LSAMP: variants seen among roughly 807,000 people sequenced by gnomAD.
LSAMP encodes the protein limbic system-associated membrane protein.
LSAMP carries 7 observed loss-of-function variants against 38.6 expected under a neutral mutation model. The ratio of observed to expected loss-of-function variants is 0.18; its 90% CI spans 0.10 to 0.34. The LOEUF (loss-of-function observed/expected upper bound fraction) is 0.34. LSAMP is among the 10% of genes least tolerant of loss of function. LSAMP has a pLI of 1.00. For synonymous variants in LSAMP, 154 were observed against 166.8 expected (o/e 0.92, Z 0.59); for missense variants, 313 against 420.0 (o/e 0.75, Z 2.23).
At chr3:115,991,681 C>T (rs186897106) in intron 3 of LSAMP, among the ~76,000 whole-genome samples, 305 of 152,086 alleles carry the variant, frequency 2.0e-3, no homozygotes, top group South Asian at 7.1e-3. Flanking sequence ...AAAGAAAATG[C>T]GGCTTGTAGC....
intron 6 of LSAMP, among the ~76,000 whole-genome samples, chr3:115,813,717 A>G (rs1363731072): frequency 6.6e-6 from 1 of 152,190 alleles, no homozygotes; most frequent in Non-Finnish European, 1.5e-5. Context: ...AATTATAGAT[A>G]TATGTGACTG....
intron 1 of LSAMP, among the ~76,000 whole-genome samples, chr3:116,419,887 A>T (rs762708224): frequency 6.6e-6 from 1 of 152,194 alleles, no homozygotes; most frequent in Non-Finnish European, 1.5e-5. Flanking sequence ...TATATTTATC[A>T]TAATACCTTT....
chr3:115,875,432 G>T (rs563350738), intron 3 of LSAMP, among the ~76,000 whole-genome samples: 38 of 152,082 alleles, frequency 2.5e-4, no homozygotes, highest in African/African-American at 8.9e-4. Context: ...CACTGTAGCC[G>T]TCTCTCTATA....
At position 116,261,828 on chromosome 3, in the gene LSAMP, T is replaced by A. The variant is rs543274567; in HGVS notation, c.156-175272A>T. ...TGTGTATGTGTGTGTATTATTGATA[T>A]GTTATGCACATATATGTTATTATAA... On this transcript the variant is annotated intron_variant, in intron 1 of 6. Coordinates refer to ENST00000490035, the MANE Select transcript of LSAMP (RefSeq NM_002338.5). Among the ~76,000 whole-genome samples the A allele has an allele frequency of 2.7e-5, 4 of 150,468 alleles. No homozygotes were observed. In the East Asian group the frequency reaches 5.8e-4, roughly 22 times the overall value.
intron 2 of LSAMP, among the ~76,000 whole-genome samples, chr3:116,043,265 C>A (rs926305476): frequency 6.6e-6 from 1 of 152,038 alleles, no homozygotes; most frequent in South Asian, 2.1e-4. Flanking sequence ...AAAAACTTTC[C>A]GATTTAGGTG....
chr3:116,228,794 A>C (rs1265930615), intron 1 of LSAMP, among the ~76,000 whole-genome samples: 1 of 152,090 alleles, frequency 6.6e-6, no homozygotes, highest in Non-Finnish European at 1.5e-5. Flanking sequence ...TCAAAGGGAG[A>C]TTAGCATTAA....
intron 1 of LSAMP, among the ~76,000 whole-genome samples, chr3:116,333,991 CTT>C (rs1408172980): frequency 1.3e-5 from 2 of 151,630 alleles, no homozygotes; most frequent in East Asian, 3.9e-4. Flanking sequence ...AATGACAAAT[CTT>C]TACCTATATA....
intron 3 of LSAMP, among the ~76,000 whole-genome samples, chr3:115,888,290 G>A (rs1936507924): frequency 6.6e-6 from 1 of 151,806 alleles, no homozygotes; most frequent in Non-Finnish European, 1.5e-5. Context: ...TAACATAACT[G>A]TAGAAAAACA....
At chr3:116,082,688 A>C (rs893867112) in intron 2 of LSAMP, among the ~76,000 whole-genome samples, 1 of 152,228 alleles carries the variant, frequency 6.6e-6, no homozygotes, top group Non-Finnish European at 1.5e-5. Context: ...TATATACACC[A>C]TGAAATATTA....
At chr3:116,439,758 C>G (rs2049408110) in intron 1 of LSAMP, among the ~76,000 whole-genome samples, 1 of 152,232 alleles carries the variant, frequency 6.6e-6, no homozygotes, top group Non-Finnish European at 1.5e-5. Flanking sequence ...GAGTCTCGCT[C>G]TGTCGCCAGG....
At chr3:116,223,817 C>G (rs1339608821) in intron 1 of LSAMP, among the ~76,000 whole-genome samples, 1 of 152,144 alleles carries the variant, frequency 6.6e-6, no homozygotes, top group Non-Finnish European at 1.5e-5. Flanking sequence ...TCCAGTCCCA[C>G]AATGCTGCTG....
intron 1 of LSAMP, among the ~76,000 whole-genome samples, chr3:116,118,225 A>G (rs768165162): frequency 6.6e-6 from 1 of 152,194 alleles, no homozygotes; most frequent in Non-Finnish European, 1.5e-5. Flanking sequence ...AGGGGACAGT[A>G]TCTATGGATT....
At chr3:116,253,497 G>A (rs941720063) in intron 1 of LSAMP, among the ~76,000 whole-genome samples, 6 of 152,122 alleles carry the variant, frequency 3.9e-5, no homozygotes, top group African/African-American at 1.2e-4. Flanking sequence ...TTTGCAGATG[G>A]TAATTCACAG....
intron 1 of LSAMP, among the ~76,000 whole-genome samples, chr3:116,210,347 C>T (rs1256420105): frequency 6.6e-6 from 1 of 152,182 alleles, no homozygotes; most frequent in Non-Finnish European, 1.5e-5. Context: ...ATCTAATCAA[C>T]TGCCAGTGCG....
intron 3 of LSAMP, among the ~76,000 whole-genome samples, chr3:115,999,509 T>C (rs1939926166): frequency 6.6e-6 from 1 of 152,198 alleles, no homozygotes; most frequent in African/African-American, 2.4e-5. Context: ...TTAAAGAGCC[T>C]GGTTTGAAGG....
intron 2 of LSAMP, among the ~76,000 whole-genome samples, chr3:116,049,838 G>A (rs1330393266): frequency 6.6e-6 from 1 of 152,132 alleles, no homozygotes; most frequent in East Asian, 1.9e-4. Context: ...GCAAGATTGA[G>A]TTAGACACTA....
intron 1 of LSAMP, among the ~76,000 whole-genome samples, chr3:116,439,673 G>A (rs1321684915): frequency 2.0e-5 from 3 of 152,212 alleles, no homozygotes; most frequent in African/African-American, 7.2e-5. Flanking sequence ...TCCTGTGAAC[G>A]TCTTAAAACA....
intron 6 of LSAMP, chr3:115,834,470 G>T: frequency 1.0e-6 from 1 of 961,604 alleles, no homozygotes; most frequent in Non-Finnish European, 1.4e-6. Flanking sequence ...TGAATTTTTT[G>T]AATGTGTTTT....
intron 3 of LSAMP, among the ~76,000 whole-genome samples, chr3:115,947,473 T>G (rs6438289): frequency 0.95 from 144,557 of 152,054 alleles, 69,111 homozygotes; most frequent in East Asian, 1. Context: ...AATAAAAAGG[T>G]GAAACCTATT....
Sources: gnomAD v4.1 joint callset for allele counts (sites outside exome capture counted in the v4.1 genomes callset) on GRCh38, gnomAD v4.1.1 for gene constraint, MANE v1.5 for transcripts, NCBI Gene and HGNC (gene_info 2026-07-23, HGNC 2026-07-21) for gene names.